Variants in VTI1A observed in about 807,000 individuals in gnomAD.
VTI1A encodes the protein vesicle transport through interaction with t-SNAREs 1A.
Under a neutral mutation model 34.9 loss-of-function variants are expected in VTI1A, and 22 were observed. That is an observed-to-expected ratio of 0.63 (90% CI 0.45 to 0.90). The LOEUF (loss-of-function observed/expected upper bound fraction) is 0.90, where lower values mean the gene tolerates loss of function less well. VTI1A is among the 40% of genes least tolerant of loss of function. VTI1A has a pLI of 0.00. For synonymous variants in VTI1A, 87 were observed against 97.3 expected (o/e 0.89, Z 0.62); for missense variants, 268 against 275.6 (o/e 0.97, Z 0.20).
rs148819597 is a variant in VTI1A at position 112,660,340 on chromosome 10, C to T, written c.428-7878C>T. On this transcript the variant is annotated intron_variant, in intron 5 of 7. Coordinates refer to ENST00000393077, the MANE Select transcript of VTI1A (RefSeq NM_145206.4). ...ATCTCGATCTCTTGACCTTGTGATC[C>T]GCCCTCCTCGGCCTCCCAAAGTGCT... 4.4e-3 allele frequency among the ~76,000 whole-genome samples: 677 copies of T among 152,242 alleles called. 1 individual carries two copies. The highest frequency in any genetic ancestry group is 0.015 in the African/African-American group (635 of 41,536).
At chr10:112,794,568 A>G (rs1852608029) in intron 7 of VTI1A, among the ~76,000 whole-genome samples, 1 of 151,962 alleles carries the variant, frequency 6.6e-6, no homozygotes, top group Non-Finnish European at 1.5e-5. Context: ...ATAATAATAA[A>G]ATAAAATAAT....
intron 4 of VTI1A, among the ~76,000 whole-genome samples, chr10:112,527,559 A>G (rs1850277646): frequency 2.0e-5 from 3 of 152,132 alleles, no homozygotes; most frequent in Admixed American, 2.0e-4. Flanking sequence ...AGCAAAACAA[A>G]TGAAAGTAAG....
intron 5 of VTI1A, among the ~76,000 whole-genome samples, chr10:112,553,756 A>G (rs552147078): frequency 6.6e-6 from 1 of 152,342 alleles, no homozygotes. Flanking sequence ...CACTGTCAAG[A>G]ACAGTTGAAT....
At chr10:112,521,445 A>G (rs552523774) in intron 3 of VTI1A, among the ~76,000 whole-genome samples, 1 of 152,224 alleles carries the variant, frequency 6.6e-6, no homozygotes, top group South Asian at 2.1e-4. Flanking sequence ...CATCCTTTCC[A>G]GTATTATCAA....
At chr10:112,750,296 T>C (rs1032475230) in intron 7 of VTI1A, among the ~76,000 whole-genome samples, 10 of 152,034 alleles carry the variant, frequency 6.6e-5, no homozygotes, top group African/African-American at 2.4e-4. Flanking sequence ...TCAAATGATC[T>C]CCCCACTTCA....
rs186423794 is a variant in VTI1A at position 112,561,032 on chromosome 10, G to A, written c.427+22702G>A. Among the ~76,000 whole-genome samples, 52 of 151,988 alleles carry A rather than the reference G, an allele frequency of 3.4e-4. 1 individual carries two copies. The highest frequency in any genetic ancestry group is 3.4e-3 in the Middle Eastern group (1 of 294). On this transcript the variant is annotated intron_variant, in intron 5 of 7. Transcript: ENST00000393077. ...TTAGAATTAATCTTTGTCTCTTATT[G>A]TATTGAAATTCTTAATACATTCAAG...
rs76100036 is a variant in VTI1A, at chr10:112,490,562, A to G, written c.264+25905A>G. Among the ~76,000 whole-genome samples the G allele has an allele frequency of 4.7e-3, 717 of 152,012 alleles. 7 individuals carry two copies. Among genetic ancestry groups the G allele is most frequent in the African/African-American group, 0.016 (667 of 41,456 alleles). On this transcript the variant is annotated intron_variant, in intron 3 of 7. Coordinates refer to ENST00000393077, the MANE Select transcript of VTI1A (RefSeq NM_145206.4). ...TGTCATTAATGATATGCTCATTTTG[A>G]TAATGGGGCTGCAGATTCTTAGTCT... is the stretch of plus-strand genomic sequence containing the variant.
chr10:112,655,055 G>A (rs1227108940), intron 5 of VTI1A, among the ~76,000 whole-genome samples: 2 of 152,156 alleles, frequency 1.3e-5, no homozygotes, highest in African/African-American at 4.8e-5. Context: ...TAAAACAGTG[G>A]TTCTCAAAAC....
At chr10:112,850,729 A>G in the VTI1A span, among the ~76,000 whole-genome samples, 2 of 152,248 alleles carry the variant, frequency 1.3e-5, no homozygotes, top group African/African-American at 4.8e-5. Context: ...TAATTTGGGC[A>G]GCCAAGTGCA....
chr10:112,694,742 G>A (rs1487166972), intron 7 of VTI1A, among the ~76,000 whole-genome samples: 1 of 152,134 alleles, frequency 6.6e-6, no homozygotes. Flanking sequence ...GCGGAGGCGG[G>A]CAGATCACCT....
chr10:112,650,236 CT>C (rs1846956822), intron 5 of VTI1A, among the ~76,000 whole-genome samples: 1 of 151,568 alleles, frequency 6.6e-6, no homozygotes, highest in Non-Finnish European at 1.5e-5. Flanking sequence ...TCCTTTTGTT[CT>C]TTTTAAACTT....
chr10:112,794,884 A>G (rs1007131519), intron 7 of VTI1A, among the ~76,000 whole-genome samples: 8 of 152,226 alleles, frequency 5.3e-5, no homozygotes, highest in Non-Finnish European at 1.0e-4. Flanking sequence ...TTTGAAAATT[A>G]TCAGTACCCA....
At chr10:112,450,755 T>C (rs904634561) in intron 1 of VTI1A, 2 of 152,248 alleles carry the variant, frequency 1.3e-5, no homozygotes, top group South Asian at 4.1e-4. Context: ...ATTTTAGTAA[T>C]TGAACTGAGA....
At chr10:112,470,783 T>C (rs970176455) in intron 3 of VTI1A, among the ~76,000 whole-genome samples, 10 of 152,128 alleles carry the variant, frequency 6.6e-5, no homozygotes, top group African/African-American at 1.2e-4. Context: ...TCCCAGCTAC[T>C]TGGGAGGCCG....
the VTI1A span, among the ~76,000 whole-genome samples, chr10:112,828,865 AC>A: frequency 0.013 from 1,860 of 148,598 alleles, 33 homozygotes; most frequent in African/African-American, 0.031. Context: ...AAAAAAAAAA[AC>A]AAACCACACA....
intron 5 of VTI1A, among the ~76,000 whole-genome samples, chr10:112,620,654 G>A (rs910289580): frequency 4.6e-5 from 7 of 152,080 alleles, no homozygotes; most frequent in African/African-American, 1.7e-4. Context: ...GCTGGGCATG[G>A]TGGTGGGCGC....
chr10:112,668,454 C>T (rs1847725506), intron 6 of VTI1A, among the ~76,000 whole-genome samples, 166 bp downstream of exon 6: 2 of 152,076 alleles, frequency 1.3e-5, no homozygotes, highest in Admixed American at 1.3e-4. Context: ...GAGCAAATAG[C>T]AGCTGACTCT....
At chr10:112,489,128 G>A (rs1417257308) in intron 3 of VTI1A, among the ~76,000 whole-genome samples, 1 of 152,140 alleles carries the variant, frequency 6.6e-6, no homozygotes, top group African/African-American at 2.4e-5. Context: ...AGGTGGGGCC[G>A]AGACAGGGCC....
At chr10:112,709,347 G>C (rs1849317031) in intron 7 of VTI1A, among the ~76,000 whole-genome samples, 1 of 152,116 alleles carries the variant, frequency 6.6e-6, no homozygotes, top group African/African-American at 2.4e-5. Context: ...TTCCCTAAGA[G>C]TGTCTGTCTT....
Sources: gnomAD v4.1 joint callset for allele counts (sites outside exome capture counted in the v4.1 genomes callset) on GRCh38, gnomAD v4.1.1 for gene constraint, MANE v1.5 for transcripts, NCBI Gene and HGNC (gene_info 2026-07-23, HGNC 2026-07-21) for gene names.